Variants in FAXC observed in about 807,000 individuals in gnomAD.
FAXC encodes the protein failed axon connections homolog, metaxin like GST domain containing.
Under a neutral mutation model 41.9 loss-of-function variants are expected in FAXC, and 10 were observed. That is an observed-to-expected ratio of 0.24 (90% CI 0.15 to 0.41). The LOEUF is 0.41. Ranked by LOEUF, FAXC falls within the 10% of genes least tolerant of loss-of-function variation. FAXC has a pLI of 1.00. For missense variants in FAXC, 399 were observed against 510.9 expected, an observed-to-expected ratio of 0.78 and a Z score of 2.11; for synonymous variants, 183 against 183.8, an observed-to-expected ratio of 1.00 and a Z score of 0.03.
At chr6:99,286,022 T>C (rs1334697598) in intron 5 of FAXC, among the ~76,000 whole-genome samples, 1 of 152,194 alleles carries the variant, frequency 6.6e-6, no homozygotes, top group Non-Finnish European at 1.5e-5. Flanking sequence ...CAGCAGCACC[T>C]GCCAGCCCTT....
intron 4 of FAXC, among the ~76,000 whole-genome samples, chr6:99,312,136 C>A (rs1772177647): frequency 6.6e-6 from 1 of 152,180 alleles, no homozygotes; most frequent in Non-Finnish European, 1.5e-5. Flanking sequence ...CTCATGTGTT[C>A]CAGGCACTCA....
At chr6:99,289,104 C>T (rs1383231401) in intron 5 of FAXC, among the ~76,000 whole-genome samples, 2 of 152,190 alleles carry the variant, frequency 1.3e-5, no homozygotes, top group East Asian at 1.9e-4. Flanking sequence ...CTACTGGTCT[C>T]TCATCTACAT....
rs1002472137 is a variant in FAXC, at chr6:99,276,798, A to G, written c.*4366T>C. 3.9e-5 allele frequency: 6 copies of G among 152,190 alleles called. No individual in the cohort carries two copies. Among genetic ancestry groups the G allele is most frequent in the African/African-American group, 9.7e-5 (4 of 41,444 alleles). The allele number at this position is 152,190 out of a possible 1,614,324, so 9.4% of individuals were successfully genotyped here. On this transcript the variant is annotated 3_prime_UTR_variant, in exon 6 of 6. Coordinates refer to ENST00000389677, the MANE Select transcript of FAXC (RefSeq NM_032511.4). ...TATGTAACATTTTATGTATTTGCAT[A>G]TATGTGTTTTTCTGGGAATAGGGTA...
At chr6:99,286,975 C>A (rs1771051558) in intron 5 of FAXC, among the ~76,000 whole-genome samples, 1 of 152,070 alleles carries the variant, frequency 6.6e-6, no homozygotes, top group Non-Finnish European at 1.5e-5. Context: ...AGAGCTTATG[C>A]CCTTTGAGAC....
intron 4 of FAXC, among the ~76,000 whole-genome samples, chr6:99,320,077 T>C (rs965808560): frequency 6.6e-6 from 1 of 152,218 alleles, no homozygotes; most frequent in Non-Finnish European, 1.5e-5. Flanking sequence ...CATCTTTGTT[T>C]GGTATTTTAT....
intron 4 of FAXC, among the ~76,000 whole-genome samples, chr6:99,313,403 CCTT>C (rs1772221098): frequency 6.6e-6 from 1 of 152,118 alleles, no homozygotes. Context: ...CAATTTTCCC[CCTT>C]AAGTATTCAC....
intron 4 of FAXC, among the ~76,000 whole-genome samples, chr6:99,318,306 C>CACACACA (rs147852055): frequency 3.0e-4 from 41 of 135,314 alleles, no homozygotes; most frequent in African/African-American, 7.6e-4. Flanking sequence ...CACACACACA[C>CACACACA]AAAATAGAAG....
At chr6:99,344,355 C>T (rs1292463595) in intron 1 of FAXC, among the ~76,000 whole-genome samples, 1 of 152,140 alleles carries the variant, frequency 6.6e-6, no homozygotes, top group Non-Finnish European at 1.5e-5. Flanking sequence ...ATAAACTTCA[C>T]TCTTCCTTCC....
At chr6:99,305,207 C>A (rs1282423264) in intron 4 of FAXC, among the ~76,000 whole-genome samples, 1 of 152,118 alleles carries the variant, frequency 6.6e-6, no homozygotes, top group East Asian at 1.9e-4. Context: ...TTCAAGGTAA[C>A]CACTCTTAGT....
chr6:99,293,360 C>A (rs956212888), intron 4 of FAXC, among the ~76,000 whole-genome samples: 1 of 152,156 alleles, frequency 6.6e-6, no homozygotes, highest in Non-Finnish European at 1.5e-5. Context: ...TCTGCCCCCA[C>A]AACTTATATG....
intron 4 of FAXC, among the ~76,000 whole-genome samples, chr6:99,319,422 A>T (rs1772508951): frequency 6.7e-6 from 1 of 149,912 alleles, no homozygotes; most frequent in Admixed American, 6.6e-5. Context: ...AAAAAAAAAA[A>T]GCAAACCCTC....
intron 4 of FAXC, among the ~76,000 whole-genome samples, chr6:99,315,688 T>C (rs764715363): frequency 9.1e-4 from 138 of 152,366 alleles, no homozygotes; most frequent in Non-Finnish European, 1.5e-3. Flanking sequence ...CTGATCCTAC[T>C]TACTCTTAAA....
chr6:99,314,160 C>G (rs1240162062), intron 4 of FAXC, among the ~76,000 whole-genome samples: 1 of 152,134 alleles, frequency 6.6e-6, no homozygotes. Flanking sequence ...TGCCCCCACA[C>G]CCAGCCATCC....
rs562937055 is a variant in FAXC, at chr6:99,343,069, CAT to C, written c.267-38_267-37del. 643 of 1,562,242 alleles carry C rather than the reference CAT, an allele frequency of 4.1e-4. 7 individuals are homozygous for C. The South Asian group carries it at 7.4e-3, about 18-fold the overall frequency. On this transcript the variant is annotated intron_variant, in intron 1 of 5. Coordinates refer to ENST00000389677, the MANE Select transcript of FAXC (RefSeq NM_032511.4). Reference sequence around the variant, plus strand: ...CAAAACAGAAATAAAGTACAATCCACATGTTATCCACATTCGGTTCCCTTATT... The same window carrying C: ...CAAAACAGAAATAAAGTACAATCCACGTTATCCACATTCGGTTCCCTTATT...
chr6:99,335,619 C>T (rs1773189127), intron 2 of FAXC, among the ~76,000 whole-genome samples: 2 of 152,214 alleles, frequency 1.3e-5, no homozygotes, highest in Admixed American at 6.5e-5. Flanking sequence ...GTAAGGACAA[C>T]CCAAATGCGT....
At chr6:99,329,603 C>T (rs1772954986) in intron 3 of FAXC, among the ~76,000 whole-genome samples, 1 of 152,080 alleles carries the variant, frequency 6.6e-6, no homozygotes, top group Admixed American at 6.5e-5. Context: ...GTTTCACAAG[C>T]ATTACATCAA....
At chr6:99,292,413 G>A (rs998865490) in intron 4 of FAXC, among the ~76,000 whole-genome samples, 9 of 152,124 alleles carry the variant, frequency 5.9e-5, no homozygotes, top group African/African-American at 2.2e-4. Flanking sequence ...CTGGCATCAC[G>A]ATCCCATGAA....
chr6:99,299,517 T>A (rs1048136892), intron 4 of FAXC, among the ~76,000 whole-genome samples: 1 of 152,244 alleles, frequency 6.6e-6, no homozygotes. Flanking sequence ...GCAATTATAG[T>A]AAAATCAATG....
At chr6:99,304,019 T>G (rs1320979300) in intron 4 of FAXC, among the ~76,000 whole-genome samples, 1 of 152,220 alleles carries the variant, frequency 6.6e-6, no homozygotes, top group African/African-American at 2.4e-5. Context: ...TGGTGGCTCA[T>G]GCCTGTAATC....
Sources: allele counts gnomAD v4.1 joint callset (sites outside exome capture counted in the v4.1 genomes callset), GRCh38; gene constraint gnomAD v4.1.1; transcripts MANE v1.5; gene names NCBI Gene and HGNC (gene_info 2026-07-23, HGNC 2026-07-21).